CMIP: variants seen among roughly 807,000 people sequenced by gnomAD.
CMIP encodes the protein c-Maf inducing protein.
In CMIP, 13 loss-of-function variants were observed where a neutral mutation model predicts 97.3. The ratio of observed to expected loss-of-function variants is 0.13; its 90% CI spans 0.09 to 0.21. CMIP has a LOEUF of 0.21. CMIP is among the 10% of genes least tolerant of loss of function. CMIP has a pLI of 1.00. For missense variants in CMIP, 847 were observed against 1,024.9 expected, an observed-to-expected ratio of 0.83 and a Z score of 2.37; for synonymous variants, 538 against 436.3, an observed-to-expected ratio of 1.23 and a Z score of -2.91.
At chr16:81,478,940 G>A (rs1908092464) in intron 1 of CMIP, among the ~76,000 whole-genome samples, 1 of 152,120 alleles carries the variant, frequency 6.6e-6, no homozygotes, top group African/African-American at 2.4e-5. Flanking sequence ...AGCTCAGTTG[G>A]AGACCCGTCC....
rs187676737 is a variant in CMIP, at chr16:81,621,213, C to A, written c.477+287C>A. The stretch of plus-strand genomic sequence containing the variant: ...GAACTGCTTGCTCTCAGAGTGAGGG[C>A]GACCCTGAGGGGAGTCCAGCCGGGG... On this transcript the variant is annotated intron_variant, in intron 3 of 20. Coordinates refer to ENST00000537098, the MANE Select transcript of CMIP (RefSeq NM_198390.3). This position sits in a 1 kb window ranked among gnomAD's most constrained non-coding sequence, Gnocchi z 4.1. The A allele has an allele frequency of 3.2e-6, 1 of 310,166 alleles. No individual in the cohort carries two copies. The highest frequency in any genetic ancestry group is 6.1e-6 in the Non-Finnish European group (1 of 163,488). 19.2% of individuals were successfully genotyped at this position (310,166 alleles called of 1,614,324 possible). A position where few individuals can be genotyped will look rare whatever the true frequency, so the allele number is the denominator to read the frequency against.
intron 1 of CMIP, chr16:81,517,866 G>T (rs541415295): frequency 1.0e-5 from 9 of 859,190 alleles, no homozygotes; most frequent in African/African-American, 1.8e-5. Context: ...CAGCCAGGGC[G>T]CAGAGTTGGC....
intron 1 of CMIP, among the ~76,000 whole-genome samples, chr16:81,487,402 G>A (rs576983175): frequency 2.0e-5 from 3 of 152,174 alleles, no homozygotes; most frequent in Non-Finnish European, 4.4e-5. Context: ...CTCCACTCCC[G>A]AGGCCCCAGA....
intron 2 of CMIP, among the ~76,000 whole-genome samples, chr16:81,613,342 C>T (rs1479805064): frequency 6.6e-6 from 1 of 152,142 alleles, no homozygotes; most frequent in Non-Finnish European, 1.5e-5. Context: ...TGCATTGCTT[C>T]ATGTTCCAGG....
intron 1 of CMIP, among the ~76,000 whole-genome samples, chr16:81,605,343 C>T (rs906944248): frequency 3.3e-5 from 5 of 152,348 alleles, no homozygotes; most frequent in African/African-American, 4.8e-5. Flanking sequence ...GTGGAAAGGA[C>T]AGGATGAACG....
intron 1 of CMIP, among the ~76,000 whole-genome samples, chr16:81,579,190 G>T (rs886455846): frequency 2.0e-5 from 3 of 152,128 alleles, no homozygotes; most frequent in African/African-American, 7.2e-5. Flanking sequence ...GATGATAAGG[G>T]GTTACTTCTT....
chr16:81,599,491 T>A (rs935304788), intron 1 of CMIP, among the ~76,000 whole-genome samples: 2 of 152,232 alleles, frequency 1.3e-5, no homozygotes, highest in African/African-American at 4.8e-5. Context: ...GAGGACCTGC[T>A]GCGTGGGGTA....
chr16:81,636,267 T>A (rs868524772), intron 3 of CMIP, among the ~76,000 whole-genome samples: 23 of 152,182 alleles, frequency 1.5e-4, no homozygotes, highest in African/African-American at 5.1e-4. Flanking sequence ...AGATCTCAGA[T>A]GCCTTCCAGT....
intron 1 of CMIP, among the ~76,000 whole-genome samples, chr16:81,534,382 C>G (rs1002108830): frequency 3.3e-5 from 5 of 152,004 alleles, no homozygotes; most frequent in Non-Finnish European, 7.4e-5. Context: ...TGGCATGTGT[C>G]TTTAAAAAAA....
intron 1 of CMIP, among the ~76,000 whole-genome samples, chr16:81,489,216 G>C (rs1327806320): frequency 6.6e-6 from 1 of 152,138 alleles, no homozygotes; most frequent in African/African-American, 2.4e-5. Flanking sequence ...TACAGATGCT[G>C]ATGGTGCACT....
intron 14 of CMIP, among the ~76,000 whole-genome samples, chr16:81,698,511 A>G (rs1188004214): frequency 6.6e-6 from 1 of 152,172 alleles, no homozygotes; most frequent in Non-Finnish European, 1.5e-5. Flanking sequence ...GGCTGCCTAG[A>G]AGTTTCTACG....
At chr16:81,665,030 G>A (rs2092588506) in intron 7 of CMIP, 1 of 152,486 alleles carries the variant, frequency 6.6e-6, no homozygotes, top group African/African-American at 2.4e-5. Flanking sequence ...ACAGCTCAGA[G>A]GAGTCTACGG....
intron 3 of CMIP, among the ~76,000 whole-genome samples, chr16:81,635,899 G>A (rs1422534469): frequency 6.6e-6 from 1 of 152,048 alleles, no homozygotes; most frequent in Non-Finnish European, 1.5e-5. Flanking sequence ...AAAATGGTTT[G>A]TGGACCCCGA....
At chr16:81,575,384 A>G (rs2091170875) in intron 1 of CMIP, among the ~76,000 whole-genome samples, 1 of 152,124 alleles carries the variant, frequency 6.6e-6, no homozygotes, top group Non-Finnish European at 1.5e-5. Context: ...GACGACTACA[A>G]AGCTGTCACT....
intron 1 of CMIP, among the ~76,000 whole-genome samples, chr16:81,570,912 C>CG (rs1190423226): frequency 6.6e-6 from 1 of 151,870 alleles, no homozygotes; most frequent in Non-Finnish European, 1.5e-5. Context: ...GAGGAGCCTG[C>CG]GGACACGTGA....
At chr16:81,690,604 A>T (rs563408243) in intron 10 of CMIP, among the ~76,000 whole-genome samples, 25 of 152,214 alleles carry the variant, frequency 1.6e-4, no homozygotes, top group African/African-American at 5.8e-4. Flanking sequence ...CCCAGGTTCT[A>T]GCAATTATCC....
At position 81,627,597 on chromosome 16, in the gene CMIP, C is replaced by T. The variant is rs1403676104; in HGVS notation, c.477+6671C>T. ...CGCCCTCGAGACTGTCTCTGCCCGG[C>T]TCTGGCCACGGAGTGTCCCCTGTGT... On this transcript the variant is annotated intron_variant, in intron 3 of 20. Transcript: ENST00000537098. This position sits in a 1 kb window ranked among gnomAD's most constrained non-coding sequence, Gnocchi z 4.6. Among the ~76,000 whole-genome samples the T allele has an allele frequency of 6.6e-6, 1 of 151,906 alleles. No homozygotes were observed. Among genetic ancestry groups the T allele is most frequent in the Non-Finnish European group, 1.5e-5 (1 of 67,958 alleles).
chr16:81,452,123 G>A (rs1906255413), intron 1 of CMIP, among the ~76,000 whole-genome samples: 1 of 152,212 alleles, frequency 6.6e-6, no homozygotes, highest in African/African-American at 2.4e-5. Flanking sequence ...CCCCTCCCAT[G>A]TGCACAGCGC....
chr16:81,465,183 C>G (rs147086563), intron 1 of CMIP, among the ~76,000 whole-genome samples: 4 of 152,322 alleles, frequency 2.6e-5, no homozygotes, highest in African/African-American at 9.6e-5. Context: ...AAAACCAAAT[C>G]CACCTAGAAT....
Sources: allele counts gnomAD v4.1 joint callset (sites outside exome capture counted in the v4.1 genomes callset), GRCh38; gene constraint gnomAD v4.1.1; non-coding constraint Gnocchi (gnomAD v3.1); transcripts MANE v1.5; gene names NCBI Gene and HGNC (gene_info 2026-07-23, HGNC 2026-07-21).